KIAA1586: variants seen among roughly 807,000 people sequenced by gnomAD.
The protein encoded by KIAA1586 is E3 SUMO-protein ligase KIAA1586.
A neutral mutation model predicts 6.1 loss-of-function variants in KIAA1586; 5 were observed. The ratio of observed to expected loss-of-function variants is 0.82; its 90% CI spans 0.43 to 1.73. The LOEUF (loss-of-function observed/expected upper bound fraction) is 1.73. KIAA1586 is among the 40% of genes most tolerant of loss of function. The probability of loss-of-function intolerance (pLI) is 0.02; values close to 1 mark genes in which losing one functional copy is unlikely to be tolerated. For missense variants in KIAA1586, 899 were observed against 878.2 expected, an observed-to-expected ratio of 1.02 and a Z score of -0.30; for synonymous variants, 280 against 301.7, an observed-to-expected ratio of 0.93 and a Z score of 0.75.
chr6:57,061,936 CTTT>C, the KIAA1586 span, among the ~76,000 whole-genome samples: 1 of 136,628 alleles, frequency 7.3e-6, no homozygotes. Context: ...CCTAGGTTTT[CTTT>C]TTTTTTTTTT....
chr6:57,057,450 G>A (rs1828515241), downstream of KIAA1586, among the ~76,000 whole-genome samples: 1 of 151,956 alleles, frequency 6.6e-6, no homozygotes, highest in African/African-American at 2.4e-5. Flanking sequence ...TTCAATTGAT[G>A]GCCCCAAAAG....
chr6:57,059,580 C>CT, downstream of KIAA1586, among the ~76,000 whole-genome samples: 1 of 93,150 alleles, frequency 1.1e-5, no homozygotes, highest in Middle Eastern at 4.9e-3. Context: ...GAGAGCGAGA[C>CT]TCTGTCTGAA....
chr6:57,050,827 T>A lies in KIAA1586; in HGVS notation c.159T>A (p.Asp53Glu). 6.2e-7 allele frequency: 1 copy of A among 1,613,408 alleles called. No individual in the cohort carries two copies. Among genetic ancestry groups the A allele is most frequent in the East Asian group, 2.2e-5 (1 of 44,880 alleles). The change falls in exon 3 of 4, where the codon GAT (aspartate) becomes GAA (glutamate). Residue 53 changes from aspartate to glutamate, a missense_variant. Physicochemically the swap from Asp to Glu is conservative, Grantham distance 45. Coordinates refer to ENST00000370733, the MANE Select transcript of KIAA1586 (RefSeq NM_020931.4). ...ACATCGATCTGGTCTGTGGTGATGA[T>A]GAAAACCCTAGCGCCTATTATAGTG... is the stretch of plus-strand genomic sequence containing the variant. ...LEYIDLVCGD[D>E]ENPSAYYSDI...
Position 57,052,728 on chromosome 6 carries a change from C to G in KIAA1586, c.229C>G (p.His77Asp). ...KMPKRQGDFL[H>D]FLNVKKVKTD... ...GCCAAAACGACAGGGTGATTTTTTG[C>G]ATTTTTTAAATGTGAAGAAGGTGAA... The change falls in exon 4 of 4, where the codon CAT (histidine) becomes GAT (aspartate). Residue 77 changes from histidine (H) to aspartate (D), a missense_variant. By Grantham distance (81) the His-to-Asp change is moderately conservative. Transcript: ENST00000370733. The G allele has an allele frequency of 1.9e-6, 3 of 1,572,272 alleles. No individual in the cohort carries two copies. Among genetic ancestry groups the G allele is most frequent in the Non-Finnish European group, 2.6e-6 (3 of 1,162,426 alleles).
At chr6:57,066,808 G>A in the KIAA1586 span, among the ~76,000 whole-genome samples, 2 of 152,002 alleles carry the variant, frequency 1.3e-5, no homozygotes, top group South Asian at 2.1e-4. Context: ...CATTGTATGC[G>A]GTGTCATAGT....
rs751416959 is a variant in KIAA1586 at position 57,053,948 on chromosome 6, A to G, written c.1449A>G (p.Arg483=). ...IIKIGRVMGP[R]WAACSLQAAT... ...AAATTGGTCGAGTAATGGGACCAAGATGGGCGGCATGTAGTTTACAAGCTG... is the reference window on the plus strand; with the variant it reads ...AAATTGGTCGAGTAATGGGACCAAGGTGGGCGGCATGTAGTTTACAAGCTG... The change falls in exon 4 of 4, where the codon AGA becomes AGG. Residue 483 remains arginine, a synonymous_variant. Transcript: ENST00000370733. The G allele has an allele frequency of 1.3e-6, 2 of 1,585,754 alleles. No individual in the cohort carries two copies. Among genetic ancestry groups the G allele is most frequent in the Admixed American group, 1.9e-5 (1 of 53,456 alleles).
chr6:57,052,813 AAC>A lies in KIAA1586; in HGVS notation c.315_316del (p.Glu105AspfsTer7), dbSNP rs1828365811. 6.2e-7 allele frequency: 1 copy of A among 1,613,664 alleles called. No homozygotes were observed. The highest frequency in any genetic ancestry group is 1.3e-5 in the African/African-American group (1 of 74,918). On this transcript the variant is annotated frameshift_variant, in exon 4 of 4. Coordinates refer to ENST00000370733, the MANE Select transcript of KIAA1586 (RefSeq NM_020931.4). LOFTEE classifies it low-confidence loss of function (END_TRUNC). Reference sequence around the variant, plus strand: ...CACTGCAGATTGTCTAAGGCAAAGGAACCACATTTCGAGTATATTGAACAACC... The same window carrying A: ...CACTGCAGATTGTCTAAGGCAAAGGACACATTTCGAGTATATTGAACAACC...
chr6:57,056,015 GGTT>G (rs1669373764), downstream of KIAA1586, among the ~76,000 whole-genome samples: 2 of 152,098 alleles, frequency 1.3e-5, no homozygotes, highest in South Asian at 2.1e-4. Flanking sequence ...AAGGAACTAA[GGTT>G]GTAAGTTTGG....
Position 57,054,552 on chromosome 6 carries a change from TCAATTCCTAC to T in KIAA1586, c.2054_2063del (p.Ser685Ter). On this transcript the variant is annotated frameshift_variant, in exon 4 of 4. Transcript: ENST00000370733. LOFTEE classifies it low-confidence loss of function (END_TRUNC). Reference sequence around the variant, plus strand: ...TAATAATATAAAATCAAACAATGTTTCAATTCCTACAACTATATACAAAGCTAAAAAGATA... The same window carrying T: ...TAATAATATAAAATCAAACAATGTTTAACTATATACAAAGCTAAAAAGATA... The T allele has an allele frequency of 6.2e-7, 1 of 1,604,350 alleles. No individual in the cohort carries two copies. The highest frequency in any genetic ancestry group is 8.5e-7 in the Non-Finnish European group (1 of 1,174,976).
At chr6:57,059,408 C>T (rs186722898), downstream of KIAA1586, among the ~76,000 whole-genome samples, 293 of 151,938 alleles carry the variant, frequency 1.9e-3, 3 homozygotes, top group Non-Finnish European at 3.2e-3. Flanking sequence ...CTGGCTAACA[C>T]GGTGAAACCC....
At position 57,054,645 on chromosome 6, in the gene KIAA1586, A is replaced by G. The variant is rs61740375; in HGVS notation, c.2146A>G (p.Ile716Val). The change falls in exon 4 of 4, where the codon ATA (isoleucine) becomes GTA (valine). Residue 716 changes from isoleucine (I) to valine (V), a missense_variant. Ile to Val is a conservative substitution (Grantham distance 29). Coordinates refer to ENST00000370733, the MANE Select transcript of KIAA1586 (RefSeq NM_020931.4). ...EAERGFNLMN[I>V]ICTRVRNSLT... The stretch of plus-strand genomic sequence containing the variant: ...TGAAAGGGGTTTCAATTTAATGAAC[A>G]TAATTTGTACAAGGGTGAGAAATAG... The G allele has an allele frequency of 0.083, 130,103 of 1,575,580 alleles. 6,002 individuals are homozygous for G. Among genetic ancestry groups the G allele is most frequent in the African/African-American group, 0.1 (7,687 of 73,886 alleles).
downstream of KIAA1586, among the ~76,000 whole-genome samples, chr6:57,057,657 G>A (rs1305438669): frequency 2.0e-5 from 3 of 152,002 alleles, no homozygotes; most frequent in Admixed American, 1.3e-4. Flanking sequence ...AGGAGGCTGA[G>A]ACAGGAGAAT....
At chr6:57,060,631 T>C in the KIAA1586 span, among the ~76,000 whole-genome samples, 121 of 152,302 alleles carry the variant, frequency 7.9e-4, no homozygotes, top group South Asian at 5.2e-3. Flanking sequence ...TCAAGGTAGC[T>C]GCCACTGGCC....
At chr6:57,057,444 A>G (rs926364273), downstream of KIAA1586, among the ~76,000 whole-genome samples, 7 of 152,238 alleles carry the variant, frequency 4.6e-5, no homozygotes, top group South Asian at 2.1e-4. Context: ...AATAATTTCA[A>G]TTGATGGCCC....
At chr6:57,048,294 G>A (rs1828234791) in intron 2 of KIAA1586, among the ~76,000 whole-genome samples, 1 of 152,160 alleles carries the variant, frequency 6.6e-6, no homozygotes, top group African/African-American at 2.4e-5. Context: ...TTAATGGAGT[G>A]TCTGTCTAAT....
rs1828465828 is a variant in KIAA1586 at position 57,054,840 on chromosome 6, T to C, written c.2341T>C (p.Leu781=). 3.2e-6 allele frequency: 5 copies of C among 1,550,392 alleles called. No homozygotes were observed. The highest frequency in any genetic ancestry group is 3.5e-6 in the Non-Finnish European group (4 of 1,146,154). ...AACAAAAGTCTTCCATGAGAATCAA[T>C]TGGCTATATGGAACTTAAAATAGAA... ...KSTKVFHENQ[L]AIWNLK Residue 781 remains leucine (L), a synonymous_variant, in exon 4 of 4, where the codon TTG becomes CTG. Transcript: ENST00000370733.
In KIAA1586 at chr6:57,054,284, CAATA is replaced by C; in HGVS notation, c.1789_1792del (p.Lys597LeufsTer10). The C allele has an allele frequency of 6.3e-7, 1 of 1,579,632 alleles. No homozygotes were observed. The highest frequency in any genetic ancestry group is 8.6e-7 in the Non-Finnish European group (1 of 1,165,592). ...TTAAAGATATTCCATTTAATAAAAA[CAATA>C]AATTTAATGCTCTTCCTAGGAGTAT... On this transcript the variant is annotated frameshift_variant, in exon 4 of 4. Transcript: ENST00000370733. LOFTEE classifies it low-confidence loss of function (END_TRUNC).
chr6:57,047,913 TTC>T (rs1424518642), intron 2 of KIAA1586, among the ~76,000 whole-genome samples: 1 of 134,532 alleles, frequency 7.4e-6, no homozygotes, highest in Non-Finnish European at 1.6e-5. Context: ...TGCTCTATTT[TTC>T]TGAGTTTGTT....
chr6:57,065,026 A>G, the KIAA1586 span, among the ~76,000 whole-genome samples: 1 of 152,036 alleles, frequency 6.6e-6, no homozygotes, highest in African/African-American at 2.4e-5. Context: ...GTGCTCACTC[A>G]GTTGTTAGAT....
Sources: allele counts gnomAD v4.1 joint callset (sites outside exome capture counted in the v4.1 genomes callset), GRCh38; gene constraint gnomAD v4.1.1; transcripts MANE v1.5; gene names NCBI Gene and HGNC (gene_info 2026-07-23, HGNC 2026-07-21).